The following NDUFS4 variants were observed in gnomAD, a reference collection of about 807,000 sequenced individuals.
NDUFS4 encodes the protein NADH dehydrogenase [ubiquinone] iron-sulfur protein 4, mitochondrial.
A neutral mutation model predicts 24.3 loss-of-function variants in NDUFS4; 28 were observed. The observed-to-expected ratio is 1.15, with a 90% CI of 0.85 to 1.58. The LOEUF (loss-of-function observed/expected upper bound fraction) is 1.58. NDUFS4 is among the 40% of genes most tolerant of loss of function. The pLI, the probability that NDUFS4 is intolerant of heterozygous loss-of-function variation, is 0.00. For synonymous variants in NDUFS4, 93 were observed against 69.7 expected (o/e 1.34, Z -1.67); for missense variants, 223 against 207.9 (o/e 1.07, Z -0.45).
At chr5:53,578,612 A>G (rs1237869368) in intron 1 of NDUFS4, among the ~76,000 whole-genome samples, 1 of 152,160 alleles carries the variant, frequency 6.6e-6, no homozygotes, top group Non-Finnish European at 1.5e-5. Context: ...GTTCCGTAAA[A>G]TGGACATAAT....
intron 2 of NDUFS4, among the ~76,000 whole-genome samples, chr5:53,605,622 C>T (rs888778653): frequency 6.6e-6 from 1 of 152,088 alleles, no homozygotes; most frequent in Non-Finnish European, 1.5e-5. Context: ...AATAGTTGTC[C>T]CTCAGTACCT....
At chr5:53,671,571 C>G (rs191817652) in intron 4 of NDUFS4, among the ~76,000 whole-genome samples, 1 of 152,176 alleles carries the variant, frequency 6.6e-6, no homozygotes, top group Non-Finnish European at 1.5e-5. Flanking sequence ...AGACGAATAT[C>G]ATCTGGGGTT....
At position 53,606,268 on chromosome 5, in the gene NDUFS4, A is replaced by AAGCATGGCACC. The variant is rs1335106217; in HGVS notation, c.177+2744_177+2754dup. On this transcript the variant is annotated intron_variant, in intron 2 of 4. Coordinates refer to ENST00000296684, the MANE Select transcript of NDUFS4 (RefSeq NM_002495.4). ...TGGCTCATGGTCCTGCAGGCTGCAC[A>AAGCATGGCACC]AGCATGGCACCAGCATTGCTCGGCT... Among the ~76,000 whole-genome samples, 8 of 152,298 alleles carry AAGCATGGCACC rather than the reference A, an allele frequency of 5.3e-5. No individual in the cohort carries two copies. In the East Asian group the frequency reaches 1.5e-3, roughly 29 times the overall value.
At chr5:53,580,717 T>TTTCCTTTCCTTTC (rs1491278742) in intron 1 of NDUFS4, among the ~76,000 whole-genome samples, 2 of 125,150 alleles carry the variant, frequency 1.6e-5, no homozygotes, top group African/African-American at 5.3e-5. Flanking sequence ...CCTTTCCTTT[T>TTTCCTTTCCTTTC]CCTTTTCCTT....
intron 1 of NDUFS4, among the ~76,000 whole-genome samples, chr5:53,577,249 G>A (rs1297322481): frequency 6.6e-6 from 1 of 152,150 alleles, no homozygotes; most frequent in Admixed American, 6.5e-5. Context: ...TTATCCATAA[G>A]TTCTCATTCC....
intron 4 of NDUFS4, among the ~76,000 whole-genome samples, 186 bp from the exon 5 acceptor site, chr5:53,682,932 C>T (rs1262202368): frequency 1.2e-5 from 1 of 85,012 alleles, no homozygotes; most frequent in Non-Finnish European, 2.3e-5. Flanking sequence ...TCTTTTGGAC[C>T]CTTTTCTCAC....
At chr5:53,571,494 A>T (rs1194428342) in intron 1 of NDUFS4, among the ~76,000 whole-genome samples, 1 of 152,214 alleles carries the variant, frequency 6.6e-6, no homozygotes, top group African/African-American at 2.4e-5. Flanking sequence ...GGACATTCAG[A>T]TACAATATTT....
rs1325482651 is a variant in NDUFS4, at chr5:53,646,217, T to C, written c.178-16T>C. On this transcript the variant is annotated splice_polypyrimidine_tract_variant and intron_variant, in intron 2 of 4. Coordinates refer to ENST00000296684, the MANE Select transcript of NDUFS4 (RefSeq NM_002495.4). ...AGGCTGTTTGAAACGTGTTTTTTTT[T>C]CTTGTTTTTCTGTAGGATATCACTA... 1.9e-6 allele frequency: 3 copies of C among 1,590,318 alleles called. No individual in the cohort carries two copies. Among genetic ancestry groups the C allele is most frequent in the Admixed American group, 1.7e-5 (1 of 59,122 alleles).
intron 4 of NDUFS4, among the ~76,000 whole-genome samples, chr5:53,666,568 A>C (rs1291097836): frequency 6.6e-6 from 1 of 152,210 alleles, no homozygotes; most frequent in Non-Finnish European, 1.5e-5. Flanking sequence ...CTATGTGCCT[A>C]GCACCTAGCA....
chr5:53,630,773 A>C (rs1333762746), intron 2 of NDUFS4, among the ~76,000 whole-genome samples: 3 of 152,018 alleles, frequency 2.0e-5, no homozygotes, highest in African/African-American at 7.2e-5. Context: ...TCTAGTCAGC[A>C]ATTTGTCTAA....
intron 2 of NDUFS4, among the ~76,000 whole-genome samples, chr5:53,628,578 A>G (rs1751301042): frequency 1.3e-5 from 2 of 152,124 alleles, no homozygotes; most frequent in African/African-American, 4.8e-5. Context: ...CTATTCAGAG[A>G]TTTGACTTCT....
At chr5:53,676,076 C>T (rs1740458256) in intron 4 of NDUFS4, among the ~76,000 whole-genome samples, 1 of 152,144 alleles carries the variant, frequency 6.6e-6, no homozygotes, top group African/African-American at 2.4e-5. Flanking sequence ...GGATTTTACT[C>T]ATCTGATATA....
intron 2 of NDUFS4, 98 bp from the exon 3 acceptor site, chr5:53,646,135 A>G (rs1225758591): frequency 8.9e-6 from 9 of 1,016,652 alleles, no homozygotes; most frequent in Non-Finnish European, 1.2e-5. Context: ...TTTATGAACA[A>G]ATCTGAATAG....
chr5:53,666,033 T>G (rs1445651097), intron 4 of NDUFS4, among the ~76,000 whole-genome samples: 1 of 152,254 alleles, frequency 6.6e-6, no homozygotes, highest in Non-Finnish European at 1.5e-5. Flanking sequence ...AATTCCTTAC[T>G]TATACTTTCT....
chr5:53,572,364 C>T (rs568090299), intron 1 of NDUFS4, among the ~76,000 whole-genome samples: 1 of 152,262 alleles, frequency 6.6e-6, no homozygotes, highest in South Asian at 2.1e-4. Context: ...GGAAGAAGGT[C>T]AAAGGTACCT....
intron 2 of NDUFS4, among the ~76,000 whole-genome samples, chr5:53,621,690 ATTTTTTTTTTTT>A (rs58169759): frequency 7.4e-5 from 6 of 81,562 alleles, no homozygotes; most frequent in South Asian, 5.6e-4. Flanking sequence ...CTCATAGTAA[ATTTTTTTTTTTT>A]TTTTTTTTTT....
At chr5:53,620,143 A>G (rs756522399) in intron 2 of NDUFS4, among the ~76,000 whole-genome samples, 12 of 152,136 alleles carry the variant, frequency 7.9e-5, no homozygotes, top group Non-Finnish European at 1.8e-4. Flanking sequence ...AAAAGTATCA[A>G]CATTTTAAAT....
intron 1 of NDUFS4, among the ~76,000 whole-genome samples, chr5:53,590,092 T>TA (rs1749894505): frequency 6.6e-6 from 1 of 152,182 alleles, no homozygotes; most frequent in Non-Finnish European, 1.5e-5. Context: ...TATAGAGAAT[T>TA]ACGCATGATT....
intron 1 of NDUFS4, among the ~76,000 whole-genome samples, chr5:53,562,147 G>A (rs761579534): frequency 6.6e-6 from 1 of 152,038 alleles, no homozygotes; most frequent in Non-Finnish European, 1.5e-5. Context: ...GGGATTACAG[G>A]CGCGCACCAC....
Sources: gnomAD v4.1 joint callset for allele counts (sites outside exome capture counted in the v4.1 genomes callset) on GRCh38, gnomAD v4.1.1 for gene constraint, MANE v1.5 for transcripts, NCBI Gene and HGNC (gene_info 2026-07-23, HGNC 2026-07-21) for gene names.